The following SHANK2 variants were observed in gnomAD, a reference collection of about 807,000 sequenced individuals.
SHANK2 encodes SH3 and multiple ankyrin repeat domains protein 2.
A neutral mutation model predicts 133.7 loss-of-function variants in SHANK2; 43 were observed. That is an observed-to-expected ratio of 0.32 (90% confidence interval 0.25 to 0.41). SHANK2 has a LOEUF of 0.41. Ranked by LOEUF, SHANK2 falls within the 10% of genes least tolerant of loss-of-function variation. SHANK2 has a pLI of 1.00. For missense variants in SHANK2, 1,994 were observed against 2,235.8 expected (o/e 0.89, Z 2.18); for synonymous variants, 1,017 against 952.8 (o/e 1.07, Z -1.24).
chr11:70,666,676 G>T (rs1185955326), intron 15 of SHANK2, among the ~76,000 whole-genome samples: 1 of 152,134 alleles, frequency 6.6e-6, no homozygotes, highest in African/African-American at 2.4e-5. Context: ...GTTTCATGGG[G>T]AAATGACCGA....
At chr11:70,692,531 G>A (rs79552799) in intron 15 of SHANK2, among the ~76,000 whole-genome samples, 2,388 of 152,270 alleles carry the variant, frequency 0.016, 48 homozygotes, top group African/African-American at 0.044. Flanking sequence ...ATTTCTCAGC[G>A]TCTTTAGAAC....
chr11:70,611,180 T>A (rs1304047483), intron 17 of SHANK2, among the ~76,000 whole-genome samples: 1 of 152,164 alleles, frequency 6.6e-6, no homozygotes, highest in Non-Finnish European at 1.5e-5. Context: ...GTTCTCAGAT[T>A]TAAGCGCAAA....
At chr11:71,117,347 C>G (rs539800047) in intron 4 of SHANK2, among the ~76,000 whole-genome samples, 85 of 152,202 alleles carry the variant, frequency 5.6e-4, no homozygotes, top group Non-Finnish European at 1.1e-3. Flanking sequence ...AATGAAAGAA[C>G]AGACTATCGC....
At chr11:71,104,858 C>T (rs924861051) in intron 6 of SHANK2, among the ~76,000 whole-genome samples, 3 of 152,214 alleles carry the variant, frequency 2.0e-5, no homozygotes, top group Non-Finnish European at 2.9e-5. Flanking sequence ...GGGCCATCTG[C>T]GCTGTCTGCA....
intron 15 of SHANK2, among the ~76,000 whole-genome samples, chr11:70,686,439 T>C (rs1254940703): frequency 6.7e-6 from 1 of 149,950 alleles, no homozygotes; most frequent in Non-Finnish European, 1.5e-5. Flanking sequence ...CATTCATCTA[T>C]CTACCCATCC....
chr11:70,648,803 A>G (rs945783669), intron 17 of SHANK2, among the ~76,000 whole-genome samples: 10 of 152,128 alleles, frequency 6.6e-5, no homozygotes, highest in South Asian at 4.1e-4. Context: ...CGGAAGTTCT[A>G]TCCTGGCTGT....
At chr11:70,753,827 T>TGTGTGTGTGTGTGTGTGTG (rs1555038016) in intron 14 of SHANK2, among the ~76,000 whole-genome samples, 3 of 151,676 alleles carry the variant, frequency 2.0e-5, no homozygotes, top group South Asian at 2.1e-4. Flanking sequence ...TGTGTGTGTG[T>TGTGTGTGTGTGTGTGTGTG]TTGAGACAGA....
At chr11:70,908,028 G>A in intron 10 of SHANK2, 2 of 408,162 alleles carry the variant, frequency 4.9e-6, no homozygotes, top group Non-Finnish European at 1.0e-5. Flanking sequence ...TTGAACCCGG[G>A]AAGTGGAGGT....
At chr11:70,648,235 G>T (rs931256699) in intron 17 of SHANK2, among the ~76,000 whole-genome samples, 5 of 152,172 alleles carry the variant, frequency 3.3e-5, no homozygotes, top group African/African-American at 4.8e-5. Context: ...TATTTGCCTG[G>T]GGCTGGGAGG....
intron 11 of SHANK2, among the ~76,000 whole-genome samples, chr11:70,874,982 C>T (rs1420180047): frequency 6.6e-6 from 1 of 152,142 alleles, no homozygotes; most frequent in African/African-American, 2.4e-5. Flanking sequence ...ACAGGCTTCC[C>T]CAAGTTAATG....
At chr11:71,138,949 T>C (rs1328569857) in intron 3 of SHANK2, among the ~76,000 whole-genome samples, 1 of 152,024 alleles carries the variant, frequency 6.6e-6, no homozygotes, top group Non-Finnish European at 1.5e-5. Flanking sequence ...CCTCCCAGCA[T>C]GGCAAAGGTA....
intron 1 of SHANK2, among the ~76,000 whole-genome samples, chr11:71,239,391 T>C (rs1478427751): frequency 6.6e-6 from 1 of 152,192 alleles, no homozygotes; most frequent in African/African-American, 2.4e-5. Flanking sequence ...ATAATGATAA[T>C]GATGATGACT....
chr11:70,645,818 C>A (rs1382991137), intron 17 of SHANK2, among the ~76,000 whole-genome samples: 1 of 151,998 alleles, frequency 6.6e-6, no homozygotes, highest in Non-Finnish European at 1.5e-5. Flanking sequence ...AACCCTCTGA[C>A]CCCCTGCCCT....
chr11:70,865,795 C>A (rs1248620508), intron 11 of SHANK2, among the ~76,000 whole-genome samples: 1 of 152,222 alleles, frequency 6.6e-6, no homozygotes. Context: ...TTCATTCATT[C>A]ATTCACTCAC....
At chr11:71,115,618 G>C (rs1951963781) in intron 4 of SHANK2, among the ~76,000 whole-genome samples, 1 of 152,144 alleles carries the variant, frequency 6.6e-6, no homozygotes, top group Admixed American at 6.5e-5. Context: ...TGGGCCTCAC[G>C]ACCACTCCCG....
intron 8 of SHANK2, among the ~76,000 whole-genome samples, chr11:71,085,706 TTATA>T (rs1273784478): frequency 1.0e-4 from 2 of 19,170 alleles, no homozygotes; most frequent in African/African-American, 2.2e-4. Context: ...ATATTATATG[TTATA>T]TATATTATAT....
chr11:70,702,384 ACCAT>A (rs1274645742), intron 14 of SHANK2, among the ~76,000 whole-genome samples: 2 of 150,992 alleles, frequency 1.3e-5, no homozygotes, highest in Non-Finnish European at 3.0e-5. Context: ...CAACACCACC[ACCAT>A]CATCACCACC....
chr11:70,828,727 C>T (rs907063925), intron 11 of SHANK2, among the ~76,000 whole-genome samples: 7 of 152,210 alleles, frequency 4.6e-5, no homozygotes, highest in Admixed American at 1.3e-4. Flanking sequence ...GGGATGCCAC[C>T]GTGTCCGTAT....
chr11:71,210,244 ATATATATATT>A lies in SHANK2; in HGVS notation c.-13+14443_-13+14452del, dbSNP rs1454334675. Among the ~76,000 whole-genome samples, 9 of 90,002 alleles carry A rather than the reference ATATATATATT, an allele frequency of 1.0e-4. No homozygotes were observed. The South Asian group carries it at 1.2e-3, about 12-fold the overall frequency. 59.0% of individuals were successfully genotyped at this position (90,002 alleles called of 152,430 possible). On this transcript the variant is annotated intron_variant, in intron 2 of 25. Transcript: ENST00000601538. ...TATATATATATATATATATATATAT[ATATATATATT>A]TATTTATTTTTTGAAACAGAGTCTC...
Sources: gnomAD v4.1 joint callset for allele counts (sites outside exome capture counted in the v4.1 genomes callset) on GRCh38, gnomAD v4.1.1 for gene constraint, MANE v1.5 for transcripts, NCBI Gene and HGNC (gene_info 2026-07-23, HGNC 2026-07-21) for gene names.